Variants in ABRAXAS2 observed in about 807,000 individuals in gnomAD.
ABRAXAS2 encodes BRISC complex subunit Abraxas 2.
In ABRAXAS2, 23 loss-of-function variants were observed where a neutral mutation model predicts 49.0. That is an observed-to-expected ratio of 0.47 (90% CI 0.34 to 0.66). The LOEUF is 0.66. Among genes scored for constraint, ABRAXAS2 ranks in the 30% least tolerant of loss-of-function variants. ABRAXAS2 has a pLI of 0.01. For synonymous variants in ABRAXAS2, 168 were observed against 180.2 expected (o/e 0.93, Z 0.54); for missense variants, 443 against 511.9 (o/e 0.87, Z 1.30).
chr10:124,829,612 G>A (rs1950918087), intron 7 of ABRAXAS2, 135 bp downstream of exon 7: 1 of 604,458 alleles, frequency 1.7e-6, no homozygotes, highest in Non-Finnish European at 2.8e-6. Context: ...TCCCAGAACA[G>A]AGTCAAGCTG....
chr10:124,808,336 C>T (rs1015644858), intron 2 of ABRAXAS2, among the ~76,000 whole-genome samples: 7 of 152,026 alleles, frequency 4.6e-5, no homozygotes, highest in Admixed American at 2.6e-4. Context: ...CAACCACGCC[C>T]GGCTAATTTT....
At chr10:124,811,607 A>G (rs1375615091) in intron 2 of ABRAXAS2, among the ~76,000 whole-genome samples, 1 of 151,672 alleles carries the variant, frequency 6.6e-6, no homozygotes, top group Non-Finnish European at 1.5e-5. Flanking sequence ...GTATGGTGAC[A>G]CGGGTCTGTA....
intron 7 of ABRAXAS2, among the ~76,000 whole-genome samples, chr10:124,830,460 A>T (rs1475935856): frequency 6.6e-6 from 1 of 152,184 alleles, no homozygotes; most frequent in Non-Finnish European, 1.5e-5. Context: ...ATATAAAAAT[A>T]AAAAGGATGA....
At chr10:124,824,948 A>G (rs1950887831) in intron 4 of ABRAXAS2, among the ~76,000 whole-genome samples, 1 of 152,180 alleles carries the variant, frequency 6.6e-6, no homozygotes, top group African/African-American at 2.4e-5. Flanking sequence ...CCCAGTGGAA[A>G]CAGGCAGGCA....
At chr10:124,834,429 G>A (rs994414854) in intron 8 of ABRAXAS2, 73 bp from the exon 9 acceptor site, 2 of 1,283,324 alleles carry the variant, frequency 1.6e-6, no homozygotes, top group Non-Finnish European at 2.2e-6. Context: ...CATTCAGGTT[G>A]GCCGTGTTAT....
intron 4 of ABRAXAS2, among the ~76,000 whole-genome samples, chr10:124,822,289 C>G (rs1488010689): frequency 6.6e-6 from 1 of 152,032 alleles, no homozygotes; most frequent in African/African-American, 2.4e-5. Flanking sequence ...TGAAAAAAAG[C>G]AGATTGTAGT....
intron 3 of ABRAXAS2, among the ~76,000 whole-genome samples, chr10:124,817,453 C>T (rs914499826): frequency 6.6e-6 from 1 of 152,154 alleles, no homozygotes; most frequent in Non-Finnish European, 1.5e-5. Flanking sequence ...CCAAACCCTT[C>T]CACCTAATGG....
intron 1 of ABRAXAS2, among the ~76,000 whole-genome samples, chr10:124,804,755 C>T (rs1950729322): frequency 6.7e-6 from 1 of 149,626 alleles, no homozygotes; most frequent in Non-Finnish European, 1.5e-5. Flanking sequence ...GCTCTGTCAC[C>T]CAGGCTTGAG....
chr10:124,811,608 C>T (rs12049652), intron 2 of ABRAXAS2, among the ~76,000 whole-genome samples: 93,886 of 151,076 alleles, frequency 0.62, 30,401 homozygotes, highest in Admixed American at 0.76. Context: ...TATGGTGACA[C>T]GGGTCTGTAA....
chr10:124,830,624 C>G (rs1390141922), intron 7 of ABRAXAS2, among the ~76,000 whole-genome samples: 1 of 152,218 alleles, frequency 6.6e-6, no homozygotes, highest in Non-Finnish European at 1.5e-5. Flanking sequence ...GAATAGGGAA[C>G]TTTATACAGA....
At chr10:124,809,297 C>A (rs1252188370) in intron 2 of ABRAXAS2, among the ~76,000 whole-genome samples, 2 of 151,704 alleles carry the variant, frequency 1.3e-5, no homozygotes, top group East Asian at 3.9e-4. Context: ...TTTATTTATT[C>A]ATTTATTTTT....
At chr10:124,813,680 A>T (rs939786632) in intron 2 of ABRAXAS2, among the ~76,000 whole-genome samples, 1 of 152,150 alleles carries the variant, frequency 6.6e-6, no homozygotes, top group African/African-American at 2.4e-5. Context: ...CTGTTTTTCC[A>T]TGAGTGCTTA....
At chr10:124,804,012 G>C (rs1460168479) in intron 1 of ABRAXAS2, among the ~76,000 whole-genome samples, 1 of 152,146 alleles carries the variant, frequency 6.6e-6, no homozygotes, top group African/African-American at 2.4e-5. Flanking sequence ...CATTGGCTCA[G>C]ATAATCCAGA....
At chr10:124,826,232 C>T (rs760785342) in intron 4 of ABRAXAS2, among the ~76,000 whole-genome samples, 2 of 152,294 alleles carry the variant, frequency 1.3e-5, no homozygotes, top group African/African-American at 2.4e-5. Context: ...CTGCCTTCTC[C>T]CCTCATTCCT....
chr10:124,801,934 G>A (rs775211497), intron 1 of ABRAXAS2, 33 bp downstream of exon 1: 1 of 1,607,168 alleles, frequency 6.2e-7, no homozygotes, highest in Non-Finnish European at 8.5e-7. Context: ...CGCCCGCTGG[G>A]GGCTTTCAGC....
At chr10:124,824,116 G>A (rs1024329175) in intron 4 of ABRAXAS2, among the ~76,000 whole-genome samples, 13 of 151,846 alleles carry the variant, frequency 8.6e-5, no homozygotes, top group African/African-American at 2.2e-4. Flanking sequence ...GGCTCAGGCC[G>A]GGCTCAAACT....
intron 2 of ABRAXAS2, among the ~76,000 whole-genome samples, chr10:124,809,928 T>G (rs1009595978): frequency 4.6e-5 from 7 of 151,830 alleles, no homozygotes; most frequent in African/African-American, 1.2e-4. Context: ...AATTTTTGTA[T>G]TTTTAGTAGA....
At chr10:124,816,350 C>G (rs998147491) in intron 2 of ABRAXAS2, among the ~76,000 whole-genome samples, 1 of 152,154 alleles carries the variant, frequency 6.6e-6, no homozygotes, top group Admixed American at 6.5e-5. Flanking sequence ...GCTCATCATA[C>G]ATGGACAGAT....
intron 5 of ABRAXAS2, among the ~76,000 whole-genome samples, chr10:124,827,888 A>G (rs1343162174): frequency 1.3e-5 from 2 of 152,234 alleles, no homozygotes; most frequent in Middle Eastern, 3.2e-3. Flanking sequence ...TTAATTGTTA[A>G]AAAGGTTTTT....
Sources: gnomAD v4.1 joint callset for allele counts (sites outside exome capture counted in the v4.1 genomes callset) on GRCh38, gnomAD v4.1.1 for gene constraint, MANE v1.5 for transcripts, NCBI Gene and HGNC (gene_info 2026-07-23, HGNC 2026-07-21) for gene names.